ATP6V1H: variants seen among roughly 807,000 people sequenced by gnomAD.
ATP6V1H encodes V-type proton ATPase subunit H.
A neutral mutation model predicts 71.7 loss-of-function variants in ATP6V1H; 39 were observed. That is an observed-to-expected ratio of 0.54 (90% CI 0.42 to 0.71). ATP6V1H has a LOEUF of 0.71. ATP6V1H is among the 30% of genes least tolerant of loss of function. ATP6V1H has a pLI of 0.00. For missense variants in ATP6V1H, 509 were observed against 594.9 expected (o/e 0.86, Z 1.50); for synonymous variants, 192 against 199.3 (o/e 0.96, Z 0.31).
intron 7 of ATP6V1H, among the ~76,000 whole-genome samples, chr8:53,804,055 C>T (rs1014037698): frequency 2.6e-5 from 4 of 152,272 alleles, no homozygotes; most frequent in South Asian, 2.1e-4. Context: ...TTTATAGCTT[C>T]AGTATTCCCA....
intron 13 of ATP6V1H, among the ~76,000 whole-genome samples, chr8:53,723,040 C>G (rs1431164655): frequency 3.3e-5 from 5 of 152,136 alleles, no homozygotes; most frequent in African/African-American, 1.2e-4. Flanking sequence ...ACAAGATATG[C>G]AAAAACTAAA....
intron 10 of ATP6V1H, 111 bp downstream of exon 10, chr8:53,771,878 G>T: frequency 1.1e-6 from 1 of 917,220 alleles, no homozygotes; most frequent in Non-Finnish European, 1.7e-6. Context: ...TATTTTAGTG[G>T]ACTCTCTTGA....
chr8:53,782,820 T>C (rs1450489568), intron 9 of ATP6V1H, among the ~76,000 whole-genome samples: 1 of 152,238 alleles, frequency 6.6e-6, no homozygotes, highest in Non-Finnish European at 1.5e-5. Flanking sequence ...TTGTCTTTGG[T>C]TCTGTTTATA....
chr8:53,781,173 C>T (rs888596713), intron 9 of ATP6V1H, among the ~76,000 whole-genome samples: 1 of 152,182 alleles, frequency 6.6e-6, no homozygotes, highest in African/African-American at 2.4e-5. Context: ...TAAAAGTGTT[C>T]CTATTTCTCC....
In ATP6V1H at chr8:53,812,013, A is replaced by T. The variant is rs146366235; in HGVS notation, c.526-796T>A. Among the ~76,000 whole-genome samples, 336 of 152,328 alleles carry T rather than the reference A, an allele frequency of 2.2e-3. 2 individuals carry two copies. Among genetic ancestry groups the T allele is most frequent in the African/African-American group, 7.8e-3 (325 of 41,556 alleles). On this transcript the variant is annotated intron_variant, in intron 6 of 13. Coordinates refer to ENST00000359530, the MANE Select transcript of ATP6V1H (RefSeq NM_015941.4). Reference sequence around the variant, plus strand: ...GAGAAAAACACTTGTGACAGAGAAAAAAGAGACACTCTAGATGTAGCACTA... The same window carrying T: ...GAGAAAAACACTTGTGACAGAGAAATAAGAGACACTCTAGATGTAGCACTA...
intron 11 of ATP6V1H, among the ~76,000 whole-genome samples, chr8:53,760,771 T>C (rs1250021174): frequency 6.6e-6 from 1 of 152,118 alleles, no homozygotes; most frequent in South Asian, 2.1e-4. Flanking sequence ...CAGGCTATGA[T>C]GGGAAGAGGG....
In ATP6V1H at chr8:53,716,003, G is replaced by A; in HGVS notation, c.1413C>T (p.Leu471=). The part of the protein sequence containing the change: ...VHNWEYLGKQ[L]QSEQPQTAAA... The stretch of plus-strand genomic sequence containing the variant: ...CAGCGGTCTGGGGCTGCTCGGACTG[G>A]AGCTGCTTGCCAAGGTATTCCCTGA... Residue 471 remains leucine, a synonymous_variant, in exon 14 of 14, where the codon CTC becomes CTT. Transcript: ENST00000359530. 6.2e-7 allele frequency: 1 copy of A among 1,607,108 alleles called. No homozygotes were observed. The highest frequency in any genetic ancestry group is 8.5e-7 in the Non-Finnish European group (1 of 1,177,504).
chr8:53,828,036 T>C (rs1043574469), intron 4 of ATP6V1H, among the ~76,000 whole-genome samples: 4 of 152,236 alleles, frequency 2.6e-5, no homozygotes, highest in African/African-American at 9.6e-5. Flanking sequence ...TGATTCCATG[T>C]CTTTGCTAAT....
chr8:53,764,219 T>C (rs766328071), intron 11 of ATP6V1H, among the ~76,000 whole-genome samples: 2 of 152,000 alleles, frequency 1.3e-5, no homozygotes, highest in Non-Finnish European at 2.9e-5. Flanking sequence ...GAAAAAAACA[T>C]CACAAGAAAG....
chr8:53,756,333 C>T (rs1403216343), intron 12 of ATP6V1H: 7 of 308,780 alleles, frequency 2.3e-5, no homozygotes, highest in East Asian at 1.5e-4. Context: ...CTGCCTGCCT[C>T]GGCCTCCCAA....
intron 4 of ATP6V1H, among the ~76,000 whole-genome samples, chr8:53,824,881 T>G (rs548299145): frequency 1.5e-4 from 23 of 151,952 alleles, no homozygotes; most frequent in African/African-American, 5.5e-4. Flanking sequence ...AGAGAAAAAT[T>G]CAATCACAAA....
chr8:53,769,937 T>C (rs1563457899), intron 10 of ATP6V1H, among the ~76,000 whole-genome samples, 194 bp from the exon 11 acceptor site: 2 of 152,154 alleles, frequency 1.3e-5, no homozygotes, highest in African/African-American at 4.8e-5. Flanking sequence ...TTATTCAGTG[T>C]AGTAAGGTCC....
chr8:53,773,517 T>A (rs1808750221), intron 9 of ATP6V1H, among the ~76,000 whole-genome samples: 1 of 152,158 alleles, frequency 6.6e-6, no homozygotes, highest in African/African-American at 2.4e-5. Context: ...TACAAATACG[T>A]TCCTGTCACT....
intron 13 of ATP6V1H, among the ~76,000 whole-genome samples, chr8:53,731,940 G>A (rs879487389): frequency 4.6e-5 from 7 of 152,232 alleles, no homozygotes; most frequent in African/African-American, 1.7e-4. Flanking sequence ...AGTCCCCCAC[G>A]GAGGATCAAT....
chr8:53,721,195 T>C (rs1447630512), intron 13 of ATP6V1H, among the ~76,000 whole-genome samples: 1 of 152,198 alleles, frequency 6.6e-6, no homozygotes, highest in Non-Finnish European at 1.5e-5. Flanking sequence ...TAACTCACTA[T>C]AGTTTAGTTA....
At chr8:53,737,956 C>T (rs1383192711) in intron 13 of ATP6V1H, among the ~76,000 whole-genome samples, 5 of 151,940 alleles carry the variant, frequency 3.3e-5, no homozygotes, top group African/African-American at 4.8e-5. Flanking sequence ...ACATTTTTTC[C>T]CCCATCATGA....
intron 13 of ATP6V1H, among the ~76,000 whole-genome samples, chr8:53,722,743 A>G (rs1290699563): frequency 6.6e-6 from 1 of 152,202 alleles, no homozygotes; most frequent in Non-Finnish European, 1.5e-5. Context: ...TCCTAAAGGA[A>G]AATGTGCTGC....
chr8:53,762,856 C>A (rs925101599), intron 11 of ATP6V1H, among the ~76,000 whole-genome samples: 2 of 152,158 alleles, frequency 1.3e-5, no homozygotes, highest in Non-Finnish European at 2.9e-5. Context: ...CCATTTGCCA[C>A]CCCTGAAACA....
chr8:53,820,539 C>T (rs940977499), intron 4 of ATP6V1H, among the ~76,000 whole-genome samples: 9 of 151,564 alleles, frequency 5.9e-5, no homozygotes, highest in Non-Finnish European at 1.2e-4. Flanking sequence ...TGGTGGTAAG[C>T]GCCTGTAGTT....
Sources: allele counts gnomAD v4.1 joint callset (sites outside exome capture counted in the v4.1 genomes callset), GRCh38; gene constraint gnomAD v4.1.1; transcripts MANE v1.5; gene names NCBI Gene and HGNC (gene_info 2026-07-23, HGNC 2026-07-21).